Variants in ZNF506 observed in about 807,000 individuals in gnomAD.
ZNF506 encodes zinc finger protein 506.
In ZNF506, 10 loss-of-function variants were observed where a neutral mutation model predicts 11.6. The observed-to-expected ratio is 0.86, with a 90% CI of 0.53 to 1.46. The LOEUF (loss-of-function observed/expected upper bound fraction) is 1.46, where lower values mean the gene tolerates loss of function less well. ZNF506 is among the 40% of genes most tolerant of loss of function. The pLI is 0.00. For synonymous variants in ZNF506, 156 were observed against 173.3 expected (o/e 0.90, Z 0.78); for missense variants, 425 against 521.2 (o/e 0.82, Z 1.80).
chr19:19,810,575 A>T (rs1459752986), intron 1 of ZNF506, among the ~76,000 whole-genome samples: 1 of 152,038 alleles, frequency 6.6e-6, no homozygotes, highest in Non-Finnish European at 1.5e-5. Context: ...AATTGTATAG[A>T]ATAAAAGCTA....
chr19:19,818,660 A>G (rs2062950045), intron 1 of ZNF506, among the ~76,000 whole-genome samples: 1 of 152,214 alleles, frequency 6.6e-6, no homozygotes, highest in Admixed American at 6.5e-5. Flanking sequence ...TGCTTTGTAA[A>G]TATTTTTTTA....
intron 1 of ZNF506, among the ~76,000 whole-genome samples, chr19:19,814,420 A>G (rs533010640): frequency 1.3e-5 from 2 of 150,436 alleles, no homozygotes; most frequent in South Asian, 4.2e-4. Context: ...AAATAATAAT[A>G]ATAATAATAA....
chr19:19,804,535 A>G (rs1027485783), intron 3 of ZNF506, among the ~76,000 whole-genome samples: 4 of 152,240 alleles, frequency 2.6e-5, no homozygotes, highest in Non-Finnish European at 5.9e-5. Flanking sequence ...CGATTCTTCA[A>G]GGATCTAGAA....
chr19:19,809,858 C>A (rs766109438), intron 1 of ZNF506, among the ~76,000 whole-genome samples: 2 of 152,084 alleles, frequency 1.3e-5, no homozygotes, highest in Admixed American at 6.6e-5. Context: ...TATTTTGAAG[C>A]CCTCATACCT....
intron 3 of ZNF506, chr19:19,797,452 A>G (rs1033329595): frequency 2.0e-5 from 3 of 149,828 alleles, no homozygotes; most frequent in African/African-American, 7.3e-5. Context: ...AAAAAAAAAA[A>G]AAACAAATAA....
chr19:19,814,954 T>C (rs899234665), intron 1 of ZNF506, among the ~76,000 whole-genome samples: 8 of 152,078 alleles, frequency 5.3e-5, no homozygotes, highest in Non-Finnish European at 1.2e-4. Context: ...CAAGAAACAC[T>C]AGGATCAAAA....
intron 3 of ZNF506, among the ~76,000 whole-genome samples, chr19:19,800,212 C>A (rs1303746389): frequency 1.3e-5 from 2 of 151,640 alleles, no homozygotes; most frequent in Non-Finnish European, 2.9e-5. Flanking sequence ...AAGACAGAGA[C>A]TGTATGAGAT....
intron 3 of ZNF506, chr19:19,795,970 G>A: frequency 6.1e-6 from 2 of 327,864 alleles, no homozygotes; most frequent in East Asian, 8.7e-5. Context: ...CTGCTCTCCA[G>A]TATAACATTG....
intron 1 of ZNF506, among the ~76,000 whole-genome samples, chr19:19,807,558 G>A (rs2062845053): frequency 6.6e-6 from 1 of 152,084 alleles, no homozygotes; most frequent in South Asian, 2.1e-4. Flanking sequence ...CCAGGCTGGA[G>A]TGCAATGGCG....
At chr19:19,815,270 C>T (rs1184387723) in intron 1 of ZNF506, among the ~76,000 whole-genome samples, 1 of 152,028 alleles carries the variant, frequency 6.6e-6, no homozygotes, top group Non-Finnish European at 1.5e-5. Flanking sequence ...AAAAACAAAA[C>T]AAAACAAAAA....
chr19:19,820,095 CAA>C (rs879774686), intron 1 of ZNF506, among the ~76,000 whole-genome samples: 13 of 121,970 alleles, frequency 1.1e-4, no homozygotes, highest in Non-Finnish European at 8.8e-5. Context: ...GACTCCATCT[CAA>C]AAAAAAAAAA....
At chr19:19,797,560 A>G (rs2062753735) in intron 3 of ZNF506, 1 of 152,096 alleles carries the variant, frequency 6.6e-6, no homozygotes, top group Admixed American at 6.5e-5. Flanking sequence ...AATAGAAAAC[A>G]AAAATTGTGG....
At chr19:19,821,472 T>C in intron 1 of ZNF506, 129 bp downstream of exon 1, 3 of 1,261,462 alleles carry the variant, frequency 2.4e-6, no homozygotes, top group Non-Finnish European at 3.5e-6. Flanking sequence ...CAATGAGAAC[T>C]TGGAGCGCAG....
chr19:19,814,435 A>AATAATAATAATAATAATAATG (rs953530421), intron 1 of ZNF506, among the ~76,000 whole-genome samples: 7 of 150,254 alleles, frequency 4.7e-5, no homozygotes, highest in African/African-American at 1.2e-4. Context: ...TAATAATAAT[A>AATAATAATAATAATAATAATG]ATGCAGAAAC....
chr19:19,812,604 T>C (rs1032974042), intron 1 of ZNF506, among the ~76,000 whole-genome samples: 5 of 152,182 alleles, frequency 3.3e-5, no homozygotes, highest in Admixed American at 2.6e-4. Context: ...ATGTGAAACA[T>C]CTCAAAGAGC....
intron 1 of ZNF506, among the ~76,000 whole-genome samples, chr19:19,813,659 A>C (rs376520647): frequency 6.6e-6 from 1 of 152,216 alleles, no homozygotes; most frequent in East Asian, 1.9e-4. Context: ...ATGCCTATCA[A>C]TGGTAGACTG....
intron 1 of ZNF506, among the ~76,000 whole-genome samples, chr19:19,820,091 A>G (rs2062957749): frequency 6.6e-6 from 1 of 150,634 alleles, no homozygotes; most frequent in Non-Finnish European, 1.5e-5. Flanking sequence ...GTGAGACTCC[A>G]TCTCAAAAAA....
rs1233156063 is a variant in ZNF506 at position 19,795,457 on chromosome 19, T to C, written c.430A>G (p.Ile144Val). The C allele has an allele frequency of 6.3e-7, 1 of 1,596,370 alleles. No homozygotes were observed. The highest frequency in any genetic ancestry group is 2.2e-5 in the East Asian group (1 of 44,734). The part of the protein sequence containing the change: ...KQCLATTQRK[I>V]FQCDEYVKFL... ...TTCACATATTCATCACATTGAAATA[T>C]TTTTCTCTGGGTAGTTGCCAAACAT... Residue 144 changes from isoleucine (I) to valine (V), a missense_variant, in exon 4 of 4, where the codon ATA (isoleucine) becomes GTA (valine). Ile to Val is a conservative substitution (Grantham distance 29, BLOSUM62 3). Coordinates refer to ENST00000540806, the MANE Select transcript of ZNF506 (RefSeq NM_001099269.3).
At chr19:19,820,885 C>T (rs2062963048) in intron 1 of ZNF506, among the ~76,000 whole-genome samples, 1 of 151,890 alleles carries the variant, frequency 6.6e-6, no homozygotes, top group Non-Finnish European at 1.5e-5. Context: ...GATATTTTTG[C>T]GGTGACTCCC....
Sources: allele counts gnomAD v4.1 joint callset (sites outside exome capture counted in the v4.1 genomes callset), GRCh38; gene constraint gnomAD v4.1.1; transcripts MANE v1.5; gene names NCBI Gene and HGNC (gene_info 2026-07-23, HGNC 2026-07-21).